Variants in C16orf46 observed in about 807,000 individuals in gnomAD.
C16orf46 encodes chromosome 16 open reading frame 46.
In C16orf46, 7 loss-of-function variants were observed where a neutral mutation model predicts 5.5. That is an observed-to-expected ratio of 1.28 (90% CI 0.73 to 2.40). C16orf46 has a LOEUF of 2.40. C16orf46 is among the 30% of genes most tolerant of loss of function. The probability of loss-of-function intolerance (pLI) is 0.00; values close to 1 mark genes in which losing one functional copy is unlikely to be tolerated. For missense variants in C16orf46, 614 were observed against 476.0 expected, an observed-to-expected ratio of 1.29 and a Z score of -2.70; for synonymous variants, 200 against 184.1, an observed-to-expected ratio of 1.09 and a Z score of -0.70.
At chr16:81,067,784 C>T (rs1971699084) in intron 1 of C16orf46, among the ~76,000 whole-genome samples, 2 of 152,056 alleles carry the variant, frequency 1.3e-5, no homozygotes, top group African/African-American at 4.8e-5. Flanking sequence ...AACTCCTGAC[C>T]TCAGGTGATC....
intron 3 of C16orf46, 31 bp downstream of exon 3, chr16:81,063,715 C>G: frequency 1.3e-6 from 2 of 1,569,246 alleles, no homozygotes; most frequent in Non-Finnish European, 8.7e-7. Context: ...GTGCGAGAGA[C>G]AGAAAAGCTG....
intron 3 of C16orf46, among the ~76,000 whole-genome samples, chr16:81,054,324 C>T (rs543742685): frequency 2.8e-4 from 43 of 150,944 alleles, no homozygotes; most frequent in African/African-American, 9.7e-4. Flanking sequence ...CTTTTTAAAA[C>T]GTGAGCCCAC....
chr16:81,054,166 T>C (rs2151744751), intron 3 of C16orf46: 4 of 1,422,526 alleles, frequency 2.8e-6, no homozygotes, highest in South Asian at 2.3e-5. Context: ...CAGAAGTCAA[T>C]GCATCTGAAT....
intron 2 of C16orf46, among the ~76,000 whole-genome samples, chr16:81,065,724 T>C (rs1355114175): frequency 6.6e-6 from 1 of 152,162 alleles, no homozygotes; most frequent in South Asian, 2.1e-4. Context: ...AAAACTAGTT[T>C]TTTTCATTTT....
Position 81,077,148 on chromosome 16 carries a change from G to A in C16orf46, c.-140C>T, listed in dbSNP as rs1444567739. The A allele has an allele frequency of 6.6e-6, 1 of 152,460 alleles. No homozygotes were observed. Among genetic ancestry groups the A allele is most frequent in the Non-Finnish European group, 1.5e-5 (1 of 68,208 alleles). The allele number at this position is 152,460 out of a possible 1,614,324, so 9.4% of individuals were successfully genotyped here. ...CGCTCACACCTACCTGTGGGGCCAAGCGGATGGAAGGCCCCGAGACAGCTA... is the reference window on the plus strand; with the variant it reads ...CGCTCACACCTACCTGTGGGGCCAAACGGATGGAAGGCCCCGAGACAGCTA... On this transcript the variant is annotated 5_prime_UTR_variant, in exon 1 of 4. Coordinates refer to ENST00000299578, the MANE Select transcript of C16orf46 (RefSeq NM_152337.3).
chr16:81,068,802 A>C lies in C16orf46; in HGVS notation c.-127-2521T>G, dbSNP rs547617376. Among the ~76,000 whole-genome samples the C allele has an allele frequency of 9.9e-5, 15 of 152,194 alleles. No individual in the cohort carries two copies. In the South Asian group the frequency reaches 2.9e-3, roughly 29 times the overall value. Reference sequence around the variant, plus strand: ...CTGCAACCTCCGCCTCCTGGGTTCAAGTGATTCTTGTGCCTCAGCCTCCCA... The same window carrying C: ...CTGCAACCTCCGCCTCCTGGGTTCACGTGATTCTTGTGCCTCAGCCTCCCA... On this transcript the variant is annotated intron_variant, in intron 1 of 3. Transcript: ENST00000299578.
intron 3 of C16orf46, chr16:81,054,121 G>T (rs1245554110): frequency 5.6e-6 from 9 of 1,605,638 alleles, no homozygotes; most frequent in Non-Finnish European, 7.7e-6. Flanking sequence ...AATGACTTCA[G>T]AAAATGTAGA....
chr16:81,074,030 T>C (rs1210899493), intron 1 of C16orf46, among the ~76,000 whole-genome samples: 1 of 152,256 alleles, frequency 6.6e-6, no homozygotes, highest in African/African-American at 2.4e-5. Context: ...GCTCGTAACT[T>C]TACAGGAATG....
At chr16:81,067,683 G>C (rs1971694788) in intron 1 of C16orf46, among the ~76,000 whole-genome samples, 3 of 152,138 alleles carry the variant, frequency 2.0e-5, no homozygotes, top group Non-Finnish European at 2.9e-5. Flanking sequence ...CTCCCGAGTA[G>C]CTGGGATTAC....
chr16:81,066,655 T>C (rs1300148473), intron 1 of C16orf46, among the ~76,000 whole-genome samples: 6 of 152,230 alleles, frequency 3.9e-5, no homozygotes, highest in African/African-American at 1.4e-4. Flanking sequence ...TACTTTTATG[T>C]TGGAATGCAG....
downstream of C16orf46, among the ~76,000 whole-genome samples, chr16:81,058,479 C>A (rs1259950661): frequency 6.6e-6 from 1 of 152,056 alleles, no homozygotes; most frequent in South Asian, 2.1e-4. Context: ...ACAGGCAAAA[C>A]CAGATGAGGA....
chr16:81,063,721 A>T (rs1269264783), intron 3 of C16orf46, 25 bp downstream of exon 3: 1 of 1,580,066 alleles, frequency 6.3e-7, no homozygotes, highest in Admixed American at 1.7e-5. Flanking sequence ...GAGACAGAAA[A>T]GCTGTGACTC....
downstream of C16orf46, chr16:81,056,560 G>T (rs1218503409): frequency 6.6e-6 from 1 of 152,142 alleles, no homozygotes; most frequent in Non-Finnish European, 1.5e-5. Flanking sequence ...GCTGGGCATG[G>T]TGGCAGGCAC....
chr16:81,061,317 T>C lies in C16orf46; in HGVS notation c.1032A>G (p.Pro344=), dbSNP rs1971460834. 3.1e-6 allele frequency: 5 copies of C among 1,614,024 alleles called. No homozygotes were observed. Among genetic ancestry groups the C allele is most frequent in the African/African-American group, 1.3e-5 (1 of 74,914 alleles). ...SYKSKFKAKE[P]RSPVITRKHV... ...GCTTTCGGGTGATCACAGGAGATCT[T>C]GGCTCCTTGGCTTTGAATTTGGATT... Residue 344 remains proline (P), a synonymous_variant, in exon 4 of 4, where the codon CCA becomes CCG. Coordinates refer to ENST00000299578, the MANE Select transcript of C16orf46 (RefSeq NM_152337.3).
At chr16:81,071,750 CAT>C (rs1486282450) in intron 1 of C16orf46, among the ~76,000 whole-genome samples, 1 of 152,112 alleles carries the variant, frequency 6.6e-6, no homozygotes. Context: ...CAATGCATAA[CAT>C]AACTGGTACA....
At chr16:81,058,927 C>G (rs1971381231), downstream of C16orf46, among the ~76,000 whole-genome samples, 1 of 152,188 alleles carries the variant, frequency 6.6e-6, no homozygotes, top group South Asian at 2.1e-4. Context: ...AACCTTAATG[C>G]TGTCCTGACC....
chr16:81,055,426 GC>G (rs1197201255), intron 3 of C16orf46: 1 of 152,116 alleles, frequency 6.6e-6, no homozygotes, highest in East Asian at 1.9e-4. Flanking sequence ...GGGCATGGGG[GC>G]TCATGCCTGT....
At position 81,061,811 on chromosome 16, in the gene C16orf46, T is replaced by G. The variant is rs751553389; in HGVS notation, c.538A>C (p.Thr180Pro). ...TTCCCAGAGGCCTTGCCCCTATTAGTGCCGGGGATGGCCCAGTCTTTGTTG... is the reference window on the plus strand; with the variant it reads ...TTCCCAGAGGCCTTGCCCCTATTAGGGCCGGGGATGGCCCAGTCTTTGTTG... Reference protein sequence around the residue: ...WCNKDWAIPGTNRGKASGNPS... With the variant: ...WCNKDWAIPGPNRGKASGNPS... The change falls in exon 4 of 4, where the codon ACT (threonine) becomes CCT (proline). Residue 180 changes from threonine (T) to proline (P), a missense_variant. Transcript: ENST00000299578. 7.4e-6 allele frequency: 12 copies of G among 1,614,196 alleles called. No homozygotes were observed. Among genetic ancestry groups the G allele is most frequent in the Non-Finnish European group, 9.3e-6 (11 of 1,180,028 alleles).
intron 1 of C16orf46, among the ~76,000 whole-genome samples, chr16:81,071,258 G>GTCA (rs1228292793): frequency 6.6e-6 from 1 of 152,180 alleles, no homozygotes; most frequent in African/African-American, 2.4e-5. Context: ...GTGTCATGGG[G>GTCA]AAGCTCCAAG....
Sources: gnomAD v4.1 joint callset for allele counts (sites outside exome capture counted in the v4.1 genomes callset) on GRCh38, gnomAD v4.1.1 for gene constraint, MANE v1.5 for transcripts, NCBI Gene and HGNC (gene_info 2026-07-23, HGNC 2026-07-21) for gene names.